The following SLX4IP variants were observed in gnomAD, a reference collection of about 807,000 sequenced individuals.
SLX4IP encodes SLX4 interacting protein.
A neutral mutation model predicts 32.9 loss-of-function variants in SLX4IP; 34 were observed. That is an observed-to-expected ratio of 1.03 (90% CI 0.79 to 1.38). The LOEUF (loss-of-function observed/expected upper bound fraction) is 1.38, where lower values mean the gene tolerates loss of function less well. Ranked by LOEUF, SLX4IP falls within the 40% of genes most tolerant of loss-of-function variation. SLX4IP has a pLI of 0.00. For synonymous variants in SLX4IP, 172 were observed against 171.7 expected, an observed-to-expected ratio of 1.00 and a Z score of -0.01; for missense variants, 444 against 479.0, an observed-to-expected ratio of 0.93 and a Z score of 0.68.
At chr20:10,521,849 T>G (rs1223722715) in intron 2 of SLX4IP, among the ~76,000 whole-genome samples, 2 of 152,168 alleles carry the variant, frequency 1.3e-5, no homozygotes, top group Non-Finnish European at 2.9e-5. Context: ...AGTGTTTAAA[T>G]TTAGGAGCAG....
chr20:10,573,302 GA>G (rs561373092), intron 4 of SLX4IP, among the ~76,000 whole-genome samples: 220 of 152,316 alleles, frequency 1.4e-3, no homozygotes, highest in African/African-American at 5.1e-3. Flanking sequence ...AGAGGACAAT[GA>G]AAACTTGCTC....
intron 2 of SLX4IP, among the ~76,000 whole-genome samples, chr20:10,461,927 A>G (rs2065341332): frequency 6.6e-6 from 1 of 152,080 alleles, no homozygotes; most frequent in South Asian, 2.1e-4. Context: ...ACAGGCATGC[A>G]CCACCACTCT....
At chr20:10,566,765 G>A (rs1470556364) in intron 4 of SLX4IP, among the ~76,000 whole-genome samples, 1 of 152,132 alleles carries the variant, frequency 6.6e-6, no homozygotes, top group African/African-American at 2.4e-5. Flanking sequence ...CAAGCCTACT[G>A]TCTTATTTTG....
chr20:10,474,892 G>T (rs763539811), intron 2 of SLX4IP, among the ~76,000 whole-genome samples: 1 of 152,358 alleles, frequency 6.6e-6, no homozygotes, highest in Non-Finnish European at 1.5e-5. Flanking sequence ...GGAAGCATTT[G>T]CTTTTCCTCA....
chr20:10,583,760 T>C (rs2066612912), intron 4 of SLX4IP, among the ~76,000 whole-genome samples: 1 of 152,216 alleles, frequency 6.6e-6, no homozygotes, highest in African/African-American at 2.4e-5. Flanking sequence ...ATGGAGCTTT[T>C]TATGATTTTA....
chr20:10,499,231 T>G (rs2065695858), intron 2 of SLX4IP, among the ~76,000 whole-genome samples: 2 of 152,194 alleles, frequency 1.3e-5, no homozygotes, highest in African/African-American at 4.8e-5. Flanking sequence ...TGACAGACAC[T>G]TGTCTATCTT....
At chr20:10,607,195 G>A (rs576438458) in intron 6 of SLX4IP, among the ~76,000 whole-genome samples, 49 of 152,236 alleles carry the variant, frequency 3.2e-4, no homozygotes, top group African/African-American at 8.9e-4. Context: ...CTGCCACACC[G>A]TCAGTGCACA....
intron 4 of SLX4IP, among the ~76,000 whole-genome samples, chr20:10,569,332 C>T (rs926007856): frequency 3.3e-5 from 5 of 152,010 alleles, no homozygotes; most frequent in Admixed American, 1.3e-4. Flanking sequence ...ATTACAGGTG[C>T]GTGCCACCAC....
chr20:10,479,859 C>T (rs760955574), intron 2 of SLX4IP, among the ~76,000 whole-genome samples: 258 of 151,530 alleles, frequency 1.7e-3, no homozygotes, highest in Non-Finnish European at 3.3e-3. Context: ...CAAAAATTAG[C>T]TGGGCGTGGT....
At chr20:10,496,911 T>C (rs1316553300) in intron 2 of SLX4IP, among the ~76,000 whole-genome samples, 3 of 152,228 alleles carry the variant, frequency 2.0e-5, no homozygotes, top group African/African-American at 7.2e-5. Flanking sequence ...TTCTATCCTT[T>C]TTCCATATGT....
intron 3 of SLX4IP, among the ~76,000 whole-genome samples, chr20:10,557,535 G>C (rs983399792): frequency 6.6e-6 from 1 of 152,102 alleles, no homozygotes; most frequent in East Asian, 1.9e-4. Context: ...GCTTACTAAC[G>C]CATGTTGCTG....
At chr20:10,523,423 T>C (rs951114989) in intron 2 of SLX4IP, among the ~76,000 whole-genome samples, 8 of 152,276 alleles carry the variant, frequency 5.3e-5, no homozygotes, top group African/African-American at 1.9e-4. Context: ...CTTCTTTCAA[T>C]TGACCTCTGT....
At chr20:10,546,036 G>A (rs188985735) in intron 2 of SLX4IP, among the ~76,000 whole-genome samples, 222 of 152,262 alleles carry the variant, frequency 1.5e-3, no homozygotes, top group African/African-American at 5.2e-3. Context: ...ACATTCCAAT[G>A]CCTCATGATC....
At chr20:10,460,126 A>C (rs1350751574) in intron 2 of SLX4IP, among the ~76,000 whole-genome samples, 1 of 152,158 alleles carries the variant, frequency 6.6e-6, no homozygotes, top group African/African-American at 2.4e-5. Flanking sequence ...ATGAACTTTC[A>C]CTATTTGTGT....
At chr20:10,498,223 TG>T (rs1198747586) in intron 2 of SLX4IP, among the ~76,000 whole-genome samples, 2 of 151,708 alleles carry the variant, frequency 1.3e-5, no homozygotes, top group African/African-American at 4.8e-5. Flanking sequence ...GCTGAGCCAG[TG>T]GGCAGCTCTG....
chr20:10,459,384 A>T (rs2065316955), intron 2 of SLX4IP, among the ~76,000 whole-genome samples: 1 of 151,964 alleles, frequency 6.6e-6, no homozygotes, highest in Non-Finnish European at 1.5e-5. Context: ...CCATTTGTCA[A>T]TTTTTGCTTT....
chr20:10,456,699 A>T (rs1416343106), intron 1 of SLX4IP, among the ~76,000 whole-genome samples: 1 of 152,112 alleles, frequency 6.6e-6, no homozygotes, highest in Non-Finnish European at 1.5e-5. Flanking sequence ...CTTTTTCAGT[A>T]TTGTTTTTGT....
In SLX4IP at chr20:10,623,365, G is replaced by A. The variant is rs373901401; in HGVS notation, c.1213G>A (p.Glu405Lys). ...NSPTKKRKKYERGH is the reference protein window; with the variant it reads ...NSPTKKRKKYKRGH ...CCCAACCAAGAAAAGAAAGAAATAC[G>A]AAAGAGGCCATTAACACCGAAGAGG... The change falls in exon 8 of 8, where the codon GAA becomes AAA. Residue 405 changes from glutamate (E) to lysine (K), a missense_variant. By Grantham distance (56) the Glu-to-Lys change is moderately conservative. Transcript: ENST00000334534. The A allele has an allele frequency of 5.0e-5, 80 of 1,610,650 alleles. No individual in the cohort carries two copies. The African/African-American group carries it at 6.3e-4, about 13-fold the overall frequency.
rs767286986 is a variant in SLX4IP, at chr20:10,623,078, GGA to G, written c.930_931del (p.Arg310SerfsTer6). 4 of 1,614,002 alleles carry G rather than the reference GGA, an allele frequency of 2.5e-6. No individual in the cohort carries two copies. Among genetic ancestry groups the G allele is most frequent in the African/African-American group, 2.7e-5 (2 of 74,912 alleles). ...TCTGCGGAAGACTTCGACCACCACG[GGA>G]GAGTTTCTCTTGGAAGTGATCGATT... On this transcript the variant is annotated frameshift_variant, in exon 8 of 8. Coordinates refer to ENST00000334534, the MANE Select transcript of SLX4IP (RefSeq NM_001009608.3). LOFTEE classifies it high-confidence loss of function.
Sources: allele counts gnomAD v4.1 joint callset (sites outside exome capture counted in the v4.1 genomes callset), GRCh38; gene constraint gnomAD v4.1.1; transcripts MANE v1.5; gene names NCBI Gene and HGNC (gene_info 2026-07-23, HGNC 2026-07-21).